Variants in PDS5A observed in about 807,000 individuals in gnomAD.
PDS5A encodes PDS5 cohesin associated factor A.
In PDS5A, 42 loss-of-function variants were observed where a neutral mutation model predicts 167.1. The observed-to-expected ratio is 0.25, with a 90% CI of 0.20 to 0.33. The LOEUF (loss-of-function observed/expected upper bound fraction) is 0.33. Ranked by LOEUF, PDS5A falls within the 10% of genes least tolerant of loss-of-function variation. The probability of loss-of-function intolerance (pLI) is 1.00; values close to 1 mark genes in which losing one functional copy is unlikely to be tolerated. For synonymous variants in PDS5A, 553 were observed against 554.6 expected (o/e 1.00, Z 0.04); for missense variants, 1,033 against 1,605.9 (o/e 0.64, Z 6.10).
chr4:39,825,368 T>G lies in PDS5A; in HGVS notation c.*117A>C. ...TCTCTTTAGTTTTCAAGGCAGAGAGTGTGTGTTCTGAAGTGAGCTTCATTT... is the reference window on the plus strand; with the variant it reads ...TCTCTTTAGTTTTCAAGGCAGAGAGGGTGTGTTCTGAAGTGAGCTTCATTT... On this transcript the variant is annotated 3_prime_UTR_variant, in exon 33 of 33. Transcript: ENST00000303538. 1 of 725,038 alleles carries G rather than the reference T, an allele frequency of 1.4e-6. No individual in the cohort carries two copies. The highest frequency in any genetic ancestry group is 2.3e-6 in the Non-Finnish European group (1 of 432,196). 44.9% of individuals were successfully genotyped at this position (725,038 alleles called of 1,614,324 possible).
intron 14 of PDS5A, among the ~76,000 whole-genome samples, chr4:39,900,059 T>C (rs991456067): frequency 2.6e-5 from 4 of 152,038 alleles, no homozygotes; most frequent in African/African-American, 9.7e-5. Flanking sequence ...ATAGGATTGA[T>C]ATCTGATATT....
intron 8 of PDS5A, among the ~76,000 whole-genome samples, chr4:39,916,556 A>G (rs1724402777): frequency 6.6e-6 from 1 of 152,164 alleles, no homozygotes; most frequent in African/African-American, 2.4e-5. Context: ...ATCAGTAGAT[A>G]TTTAACAATT....
intron 13 of PDS5A, among the ~76,000 whole-genome samples, chr4:39,901,796 G>C (rs545170488): frequency 6.6e-6 from 1 of 151,864 alleles, no homozygotes; most frequent in Admixed American, 6.6e-5. Flanking sequence ...TTACATATAC[G>C]ATGGTGTACA....
chr4:39,850,285 A>G (rs961485149), intron 26 of PDS5A, among the ~76,000 whole-genome samples: 2 of 151,584 alleles, frequency 1.3e-5, no homozygotes, highest in African/African-American at 4.9e-5. Flanking sequence ...AAAAAAAAAA[A>G]AAGAAATTCG....
At chr4:39,872,584 A>T (rs1720141608) in intron 21 of PDS5A, among the ~76,000 whole-genome samples, 1 of 152,072 alleles carries the variant, frequency 6.6e-6, no homozygotes, top group Non-Finnish European at 1.5e-5. Context: ...AGAGGAGGCC[A>T]AGGTTGCAGT....
At chr4:39,892,335 A>G (rs937282262) in intron 16 of PDS5A, among the ~76,000 whole-genome samples, 2 of 152,172 alleles carry the variant, frequency 1.3e-5, no homozygotes, top group African/African-American at 2.4e-5. Flanking sequence ...GCTAATATAT[A>G]GAACCAGGCC....
intron 2 of PDS5A, among the ~76,000 whole-genome samples, chr4:39,930,246 A>AAAAAAAAAAATTTTTT: frequency 1.1e-5 from 1 of 93,166 alleles, no homozygotes; most frequent in South Asian, 4.4e-4. Flanking sequence ...AAAAAAAAAA[A>AAAAAAAAAAATTTTTT]GTTTTTTTGT....
chr4:39,855,231 T>A (rs946269698), intron 26 of PDS5A, among the ~76,000 whole-genome samples: 4 of 152,132 alleles, frequency 2.6e-5, no homozygotes, highest in African/African-American at 9.7e-5. Flanking sequence ...TATGTCAGGG[T>A]CACAGGCTGA....
intron 22 of PDS5A, among the ~76,000 whole-genome samples, chr4:39,868,262 G>A (rs1719724920): frequency 6.6e-6 from 1 of 152,186 alleles, no homozygotes; most frequent in Non-Finnish European, 1.5e-5. Context: ...CTGGGCTCAA[G>A]CGATCCTCCT....
intron 31 of PDS5A, among the ~76,000 whole-genome samples, chr4:39,838,460 G>A (rs1259527249): frequency 6.6e-6 from 1 of 152,192 alleles, no homozygotes; most frequent in African/African-American, 2.4e-5. Context: ...AGTGGCTCAC[G>A]CCTGTAATCG....
intron 16 of PDS5A, among the ~76,000 whole-genome samples, chr4:39,892,611 C>G (rs1200306978): frequency 6.6e-6 from 1 of 152,212 alleles, no homozygotes; most frequent in African/African-American, 2.4e-5. Flanking sequence ...TTGTCAGCCT[C>G]TGTCACTTAT....
At chr4:39,948,366 G>A (rs1727994374) in intron 2 of PDS5A, among the ~76,000 whole-genome samples, 1 of 136,496 alleles carries the variant, frequency 7.3e-6, no homozygotes, top group Non-Finnish European at 1.5e-5. Flanking sequence ...CACCCAGGCT[G>A]GAGTGCAATG....
intron 26 of PDS5A, among the ~76,000 whole-genome samples, chr4:39,856,535 G>T (rs1395961036): frequency 6.6e-6 from 1 of 152,156 alleles, no homozygotes; most frequent in Non-Finnish European, 1.5e-5. Context: ...GGAAAATGCG[G>T]CTGGGTGCAG....
chr4:39,955,575 C>T (rs1438245721), intron 2 of PDS5A, among the ~76,000 whole-genome samples: 3 of 151,192 alleles, frequency 2.0e-5, no homozygotes, highest in African/African-American at 7.3e-5. Flanking sequence ...TGCTCCAGCC[C>T]GGGTGACAGA....
At chr4:39,873,228 C>T in intron 20 of PDS5A, 84 bp from the exon 21 acceptor site, 1 of 790,950 alleles carries the variant, frequency 1.3e-6, no homozygotes, top group South Asian at 4.3e-5. Flanking sequence ...TTCCTGAGTC[C>T]TCCTGAATTT....
chr4:39,925,620 C>A (rs1460292293), intron 5 of PDS5A, among the ~76,000 whole-genome samples: 2 of 152,128 alleles, frequency 1.3e-5, no homozygotes, highest in African/African-American at 2.4e-5. Context: ...ACTGAAGAGC[C>A]AACCAGTAAA....
At chr4:39,862,399 T>A in intron 25 of PDS5A, 66 bp from the exon 26 acceptor site, 1 of 643,230 alleles carries the variant, frequency 1.6e-6, no homozygotes, top group Non-Finnish European at 2.6e-6. Context: ...TTCTAACCAC[T>A]TAAGTTTTCA....
chr4:39,931,685 T>C (rs372842861), intron 2 of PDS5A, among the ~76,000 whole-genome samples: 3 of 152,250 alleles, frequency 2.0e-5, no homozygotes, highest in African/African-American at 7.2e-5. Context: ...CGACCTAACC[T>C]TGAAAAGCAT....
intron 32 of PDS5A, among the ~76,000 whole-genome samples, chr4:39,836,507 T>C (rs1280212159): frequency 6.6e-6 from 1 of 152,106 alleles, no homozygotes; most frequent in Non-Finnish European, 1.5e-5. Flanking sequence ...CAATCTCTGC[T>C]CACTGCAACC....
Sources: gnomAD v4.1 joint callset for allele counts (sites outside exome capture counted in the v4.1 genomes callset) on GRCh38, gnomAD v4.1.1 for gene constraint, MANE v1.5 for transcripts, NCBI Gene and HGNC (gene_info 2026-07-23, HGNC 2026-07-21) for gene names.